Variants in ANKFN1 observed in about 807,000 individuals in gnomAD.
ANKFN1 encodes ankyrin repeat and fibronectin type III domain containing 1.
Under a neutral mutation model 108.7 loss-of-function variants are expected in ANKFN1, and 74 were observed. The observed-to-expected ratio is 0.68, with a 90% confidence interval of 0.56 to 0.83. The LOEUF is 0.83. Among genes scored for constraint, ANKFN1 ranks in the 40% least tolerant of loss-of-function variants. ANKFN1 has a pLI of 0.00. For synonymous variants in ANKFN1, 547 were observed against 516.2 expected, an observed-to-expected ratio of 1.06 and a Z score of -0.81; for missense variants, 1,505 against 1,382.3, an observed-to-expected ratio of 1.09 and a Z score of -1.41.
intron 10 of ANKFN1, among the ~76,000 whole-genome samples, chr17:56,443,694 GCAA>G (rs2049191031): frequency 6.6e-6 from 1 of 152,182 alleles, no homozygotes; most frequent in Non-Finnish European, 1.5e-5. Context: ...GAGAAACCCA[GCAA>G]AGGCCTTCCG....
At chr17:56,117,863 G>C (rs1906372490) in intron 4 of ANKFN1, among the ~76,000 whole-genome samples, 3 of 152,056 alleles carry the variant, frequency 2.0e-5, no homozygotes, top group African/African-American at 7.2e-5. Flanking sequence ...AAGAAACCTA[G>C]TACCTATTAG....
At chr17:56,145,909 G>C (rs563356766) in intron 4 of ANKFN1, among the ~76,000 whole-genome samples, 20 of 152,266 alleles carry the variant, frequency 1.3e-4, no homozygotes, top group African/African-American at 4.6e-4. Context: ...TAACTCAAAA[G>C]TTCACAGTCC....
At chr17:56,269,025 T>C (rs1401650202) in intron 3 of ANKFN1, among the ~76,000 whole-genome samples, 2 of 152,216 alleles carry the variant, frequency 1.3e-5, no homozygotes, top group Non-Finnish European at 2.9e-5. Context: ...GGTACAGGCA[T>C]CCTGGCAGTT....
chr17:56,105,395 G>A (rs72829721), intron 4 of ANKFN1, among the ~76,000 whole-genome samples: 2,830 of 152,196 alleles, frequency 0.019, 51 homozygotes, highest in Non-Finnish European at 0.03. Context: ...TCCGAGGCAC[G>A]TGTGAAATAC....
upstream of ANKFN1, among the ~76,000 whole-genome samples, chr17:56,152,330 A>C (rs2143445453): frequency 6.9e-6 from 1 of 145,536 alleles, no homozygotes; most frequent in Admixed American, 6.9e-5. Context: ...CCTCACTGTA[A>C]CTCAGTACGA....
At chr17:56,285,806 C>A in intron 3 of ANKFN1, among the ~76,000 whole-genome samples, 1 of 151,248 alleles carries the variant, frequency 6.6e-6, no homozygotes, top group East Asian at 1.9e-4. Flanking sequence ...CTTGATTTCC[C>A]CCTCCTGTTG....
In ANKFN1 at chr17:56,353,910, T is replaced by C. The variant is rs2046311180; in HGVS notation, c.465T>C (p.Tyr155=). Residue 155 remains tyrosine (Y), a synonymous_variant, in exon 6 of 21, where the codon TAT becomes TAC. Transcript: ENST00000682825. ...TGGATGCTGTGCAGATCCTCCTGTATCAGTACACACCAGAAGAACTTGACC... is the reference window on the plus strand; with the variant it reads ...TGGATGCTGTGCAGATCCTCCTGTACCAGTACACACCAGAAGAACTTGACC... The part of the protein sequence containing the change: ...QDMDAVQILL[Y]QYTPEELDLN... 1 of 1,613,966 alleles carries C rather than the reference T, an allele frequency of 6.2e-7. No individual in the cohort carries two copies. The highest frequency in any genetic ancestry group is 8.5e-7 in the Non-Finnish European group (1 of 1,179,960).
chr17:56,170,885 CT>C (rs1910637857), intron 1 of ANKFN1, among the ~76,000 whole-genome samples: 1 of 147,314 alleles, frequency 6.8e-6, no homozygotes, highest in Admixed American at 6.9e-5. Flanking sequence ...ATCTAGTTAC[CT>C]GCCCTTACTA....
At chr17:56,154,820 G>A (rs1052516666) in intron 1 of ANKFN1, among the ~76,000 whole-genome samples, 1 of 152,070 alleles carries the variant, frequency 6.6e-6, no homozygotes, top group African/African-American at 2.4e-5. Context: ...AACAGTGTGG[G>A]GTATGATTAC....
chr17:56,074,565 G>C (rs982508818), intron 4 of ANKFN1, among the ~76,000 whole-genome samples: 21 of 152,180 alleles, frequency 1.4e-4, no homozygotes, highest in Admixed American at 7.2e-4. Flanking sequence ...ATTTCATAGG[G>C]CTGCCCCTGC....
intron 1 of ANKFN1, among the ~76,000 whole-genome samples, chr17:56,186,534 C>T (rs906255706): frequency 2.0e-5 from 3 of 152,132 alleles, no homozygotes; most frequent in Admixed American, 6.5e-5. Context: ...TCCACTGTGA[C>T]GCAAAAGAGC....
intron 3 of ANKFN1, among the ~76,000 whole-genome samples, chr17:56,313,374 A>G (rs2045102338): frequency 6.6e-6 from 1 of 152,202 alleles, no homozygotes; most frequent in African/African-American, 2.4e-5. Context: ...TTCAGGGCAC[A>G]AACAAGCCTG....
intron 8 of ANKFN1, among the ~76,000 whole-genome samples, chr17:56,406,369 G>A (rs1316422952): frequency 1.3e-5 from 2 of 152,160 alleles, no homozygotes; most frequent in African/African-American, 2.4e-5. Context: ...TTTCAGGGAG[G>A]AAGAAAAATA....
chr17:56,460,056 T>TTA (rs375290755), intron 14 of ANKFN1, among the ~76,000 whole-genome samples: 113 of 148,104 alleles, frequency 7.6e-4, no homozygotes, highest in African/African-American at 2.6e-3. Flanking sequence ...CATTGCCACA[T>TTA]AAAAAAAAAA....
chr17:56,429,151 A>T (rs910427362), intron 8 of ANKFN1, among the ~76,000 whole-genome samples: 1 of 152,242 alleles, frequency 6.6e-6, no homozygotes, highest in Non-Finnish European at 1.5e-5. Context: ...CAAGTAAGTA[A>T]AGAAAGAAAA....
chr17:56,499,810 C>G (rs1598728592), intron 20 of ANKFN1, among the ~76,000 whole-genome samples: 1 of 152,268 alleles, frequency 6.6e-6, no homozygotes, highest in East Asian at 1.9e-4. Context: ...AGAAAGCATA[C>G]TAGGTAAAGG....
At chr17:56,507,275 CT>C (rs2051601139) in intron 20 of ANKFN1, among the ~76,000 whole-genome samples, 1 of 152,128 alleles carries the variant, frequency 6.6e-6, no homozygotes, top group Admixed American at 6.5e-5. Context: ...AGTACTAAGG[CT>C]TTTTTAAAGA....
chr17:56,135,049 A>C (rs1258581888), intron 4 of ANKFN1, among the ~76,000 whole-genome samples: 1 of 152,184 alleles, frequency 6.6e-6, no homozygotes, highest in Non-Finnish European at 1.5e-5. Context: ...TTAGAAAGCC[A>C]GATATTATTA....
intron 20 of ANKFN1, among the ~76,000 whole-genome samples, chr17:56,502,399 G>A (rs567334341): frequency 7.2e-5 from 11 of 152,230 alleles, no homozygotes; most frequent in African/African-American, 1.7e-4. Flanking sequence ...AAATGTGAGC[G>A]ATCATCATTC....
Sources: gnomAD v4.1 joint callset for allele counts (sites outside exome capture counted in the v4.1 genomes callset) on GRCh38, gnomAD v4.1.1 for gene constraint, MANE v1.5 for transcripts, NCBI Gene and HGNC (gene_info 2026-07-23, HGNC 2026-07-21) for gene names.